Variants in KIF26B observed in about 807,000 individuals in gnomAD.
KIF26B encodes the protein kinesin-like protein KIF26B.
A neutral mutation model predicts 151.2 loss-of-function variants in KIF26B; 63 were observed. The ratio of observed to expected loss-of-function variants is 0.42; its 90% confidence interval spans 0.34 to 0.51. The LOEUF is 0.51. KIF26B is among the 20% of genes least tolerant of loss of function. The pLI is 0.07. For synonymous variants in KIF26B, 1,357 were observed against 1,262.1 expected (o/e 1.08, Z -1.59); for missense variants, 2,813 against 2,913.6 (o/e 0.97, Z 0.79).
At chr1:245,619,603 CAAAAAAAAAAA>C (rs34022501) in intron 9 of KIF26B, among the ~76,000 whole-genome samples, 5 of 110,760 alleles carry the variant, frequency 4.5e-5, no homozygotes, top group African/African-American at 1.8e-4. Flanking sequence ...GAAACTGTTT[CAAAAAAAAAAA>C]AAAAAAAAGA....
chr1:245,447,665 A>G (rs1659276961), intron 4 of KIF26B, among the ~76,000 whole-genome samples: 1 of 152,142 alleles, frequency 6.6e-6, no homozygotes, highest in Non-Finnish European at 1.5e-5. Context: ...AGCTTTTCAT[A>G]AGACATGCCC....
chr1:245,708,344 G>A lies in KIF26B; in HGVS notation c.*5738G>A, dbSNP rs931953787. 6.6e-6 allele frequency: 1 copy of A among 152,244 alleles called. No individual in the cohort carries two copies. The highest frequency in any genetic ancestry group is 2.1e-4 in the South Asian group (1 of 4,834). The allele number at this position is 152,244 out of a possible 1,614,324, so 9.4% of individuals were successfully genotyped here. On this transcript the variant is annotated 3_prime_UTR_variant, in exon 15 of 15. Transcript: ENST00000407071. ...GAAACTGAAGTCTAGTCATTGACTGGCCCGAGTTCACAGAGTGGTTTTATA... is the reference window on the plus strand; with the variant it reads ...GAAACTGAAGTCTAGTCATTGACTGACCCGAGTTCACAGAGTGGTTTTATA...
chr1:245,225,497 G>A (rs947969098), intron 2 of KIF26B, among the ~76,000 whole-genome samples: 2 of 152,192 alleles, frequency 1.3e-5, no homozygotes, highest in East Asian at 1.9e-4. Flanking sequence ...TACACCGGCC[G>A]TGTCAGAGAA....
At chr1:245,425,511 A>AT (rs1407266740) in intron 4 of KIF26B, among the ~76,000 whole-genome samples, 2 of 152,012 alleles carry the variant, frequency 1.3e-5, no homozygotes, top group Non-Finnish European at 2.9e-5. Flanking sequence ...GGTTCAAGCG[A>AT]TTTTCCTGGC....
chr1:245,202,974 G>T (rs1044026526), intron 2 of KIF26B, among the ~76,000 whole-genome samples: 1 of 146,666 alleles, frequency 6.8e-6, no homozygotes, highest in Non-Finnish European at 1.5e-5. Context: ...AACAAAAAAG[G>T]CCGGGCGCGG....
chr1:245,408,548 T>C (rs1054361777), intron 3 of KIF26B, among the ~76,000 whole-genome samples: 1 of 151,956 alleles, frequency 6.6e-6, no homozygotes, highest in Non-Finnish European at 1.5e-5. Flanking sequence ...AGAGACGGGG[T>C]TTCACCATAT....
intron 4 of KIF26B, among the ~76,000 whole-genome samples, chr1:245,483,805 G>A (rs1660220833): frequency 6.6e-6 from 1 of 151,848 alleles, no homozygotes; most frequent in Non-Finnish European, 1.5e-5. Context: ...TAATCTTACA[G>A]GGCGACTACT....
intron 3 of KIF26B, among the ~76,000 whole-genome samples, chr1:245,404,311 A>G (rs1299907050): frequency 6.6e-6 from 1 of 151,550 alleles, no homozygotes; most frequent in Non-Finnish European, 1.5e-5. Flanking sequence ...GATTGGCTCT[A>G]TTTTAAATAG....
At chr1:245,545,761 A>T (rs1661728530) in intron 5 of KIF26B, among the ~76,000 whole-genome samples, 2 of 151,606 alleles carry the variant, frequency 1.3e-5, no homozygotes, top group South Asian at 4.2e-4. Context: ...TATGTAAATG[A>T]TGATTCTAAT....
Position 245,583,524 on chromosome 1 carries a change from G to T in KIF26B, c.1351-19053G>T, listed in dbSNP as rs114302862. Reference sequence around the variant, plus strand: ...GCTGGGGGAAATTCATTATATTCTCGTTTACTCCATTTTATAGACGAATGT... The same window carrying T: ...GCTGGGGGAAATTCATTATATTCTCTTTTACTCCATTTTATAGACGAATGT... On this transcript the variant is annotated intron_variant, in intron 5 of 14. Coordinates refer to ENST00000407071, the MANE Select transcript of KIF26B (RefSeq NM_018012.4). Among the ~76,000 whole-genome samples, 1,143 of 152,188 alleles carry T rather than the reference G, an allele frequency of 7.5e-3. 11 individuals are homozygous for T. Among genetic ancestry groups the T allele is most frequent in the Middle Eastern group, 0.041 (12 of 294 alleles).
chr1:245,289,434 A>G (rs1380179073), intron 2 of KIF26B, among the ~76,000 whole-genome samples: 1 of 152,154 alleles, frequency 6.6e-6, no homozygotes, highest in Non-Finnish European at 1.5e-5. Flanking sequence ...ATTATTAGCT[A>G]CCCTTTGCCT....
intron 3 of KIF26B, among the ~76,000 whole-genome samples, chr1:245,383,047 A>G (rs567312174): frequency 0.01 from 1,542 of 149,942 alleles, 25 homozygotes; most frequent in African/African-American, 0.036. Flanking sequence ...ATGTATATAT[A>G]TATATACAGA....
Position 245,698,057 on chromosome 1 carries a change from A to C in KIF26B, c.5825-49A>C. 6.5e-7 allele frequency: 1 copy of C among 1,546,508 alleles called. No homozygotes were observed. The highest frequency in any genetic ancestry group is 8.8e-7 in the Non-Finnish European group (1 of 1,141,412). On this transcript the variant is annotated intron_variant, in intron 12 of 14. Coordinates refer to ENST00000407071, the MANE Select transcript of KIF26B (RefSeq NM_018012.4). The surrounding 1 kb of genome is among the most constrained non-coding windows in gnomAD (Gnocchi z 4.0). ...ACCCTGTCTCAAAAAAACAACAAAAAAATTGAAATTCAGAAAGACTAACTC... is the reference window on the plus strand; with the variant it reads ...ACCCTGTCTCAAAAAAACAACAAAACAATTGAAATTCAGAAAGACTAACTC...
intron 4 of KIF26B, among the ~76,000 whole-genome samples, chr1:245,513,212 C>A (rs1024657298): frequency 1.3e-5 from 2 of 151,372 alleles, no homozygotes; most frequent in Non-Finnish European, 2.9e-5. Context: ...ACCTGCACCC[C>A]CCCCCAACCC....
intron 9 of KIF26B, among the ~76,000 whole-genome samples, chr1:245,615,755 A>G (rs1292579118): frequency 2.0e-5 from 3 of 152,236 alleles, no homozygotes; most frequent in Admixed American, 6.5e-5. Context: ...TGCGATCGGC[A>G]GACCTGGGGG....
intron 4 of KIF26B, among the ~76,000 whole-genome samples, chr1:245,509,136 G>C (rs1660781283): frequency 6.6e-6 from 1 of 152,084 alleles, no homozygotes; most frequent in South Asian, 2.1e-4. Flanking sequence ...CCAGAATTTG[G>C]GGACATGTAA....
At chr1:245,313,767 T>C (rs1671708841) in intron 2 of KIF26B, among the ~76,000 whole-genome samples, 1 of 152,224 alleles carries the variant, frequency 6.6e-6, no homozygotes, top group Admixed American at 6.5e-5. Flanking sequence ...CATGATCAGC[T>C]GAAGATTGGG....
intron 5 of KIF26B, among the ~76,000 whole-genome samples, chr1:245,545,103 T>A (rs1572117264): frequency 3.0e-5 from 1 of 33,592 alleles, no homozygotes; most frequent in African/African-American, 1.5e-4. Context: ...TACACAGCAA[T>A]TTTTTTTTTT....
At position 245,338,984 on chromosome 1, in the gene KIF26B, G is replaced by GTTTT. The variant is rs200327162; in HGVS notation, c.466-27839_466-27836dup. Among the ~76,000 whole-genome samples, 1,156 of 140,942 alleles carry GTTTT rather than the reference G, an allele frequency of 8.2e-3. 15 individuals carry two copies. Among genetic ancestry groups the GTTTT allele is most frequent in the African/African-American group, 0.026 (1,019 of 39,038 alleles). 92.5% of individuals were successfully genotyped at this position (140,942 alleles called of 152,430 possible). A position where few individuals can be genotyped will look rare whatever the true frequency, so the allele number is the denominator to read the frequency against. On this transcript the variant is annotated intron_variant, in intron 2 of 14. Coordinates refer to ENST00000407071, the MANE Select transcript of KIF26B (RefSeq NM_018012.4). ...CATAGGGTAGAATTTTGCTTTTAGGGTTTTTTTTTTTTTTGAGACGTAATC... is the reference window on the plus strand; with the variant it reads ...CATAGGGTAGAATTTTGCTTTTAGGGTTTTTTTTTTTTTTTTTTGAGACGTAATC...
Sources: allele counts gnomAD v4.1 joint callset (sites outside exome capture counted in the v4.1 genomes callset), GRCh38; gene constraint gnomAD v4.1.1; non-coding constraint Gnocchi (gnomAD v3.1); transcripts MANE v1.5; gene names NCBI Gene and HGNC (gene_info 2026-07-23, HGNC 2026-07-21).